The following PCSK6 variants were observed in gnomAD, a reference collection of about 807,000 sequenced individuals.
PCSK6 encodes paired basic amino acid cleaving enzyme 4.
A neutral mutation model predicts 123.3 loss-of-function variants in PCSK6; 85 were observed. The ratio of observed to expected loss-of-function variants is 0.69; its 90% CI spans 0.58 to 0.83. The LOEUF (loss-of-function observed/expected upper bound fraction) is 0.83. Ranked by LOEUF, PCSK6 falls within the 40% of genes least tolerant of loss-of-function variation. PCSK6 has a pLI of 0.00. For missense variants in PCSK6, 1,191 were observed against 1,282.3 expected (o/e 0.93, Z 1.09); for synonymous variants, 508 against 516.0 (o/e 0.98, Z 0.21).
At position 101,363,032 on chromosome 15, in the gene PCSK6, A is replaced by G. The variant is rs572280029; in HGVS notation, c.1858+3164T>C. Among the ~76,000 whole-genome samples, 80 of 152,348 alleles carry G rather than the reference A, an allele frequency of 5.3e-4. 1 individual carries two copies. The highest frequency in any genetic ancestry group is 1.5e-3 in the Admixed American group (23 of 15,302). Reference sequence around the variant, plus strand: ...GGCTGGGAGTGAGCCAGTGATGGCCATGGCAGGCAGCTTGTTCTGCCGGCT... The same window carrying G: ...GGCTGGGAGTGAGCCAGTGATGGCCGTGGCAGGCAGCTTGTTCTGCCGGCT... On this transcript the variant is annotated intron_variant, in intron 13 of 21. Coordinates refer to ENST00000611716, the MANE Select transcript of PCSK6 (RefSeq NM_002570.5).
intron 13 of PCSK6, chr15:101,347,925 A>C: frequency 1.5e-6 from 1 of 654,674 alleles, no homozygotes; most frequent in East Asian, 2.7e-5. Flanking sequence ...CTGCAGCTCC[A>C]CAAAGAAACG....
intron 1 of PCSK6, among the ~76,000 whole-genome samples, chr15:101,448,540 C>T (rs991063212): frequency 1.3e-5 from 2 of 152,216 alleles, no homozygotes; most frequent in African/African-American, 2.4e-5. Context: ...CAACAGCTGA[C>T]GCTTGCTGGG....
chr15:101,412,691 T>TTTATATATATA (rs772007096), intron 6 of PCSK6, among the ~76,000 whole-genome samples: 2 of 124,744 alleles, frequency 1.6e-5, no homozygotes, highest in African/African-American at 6.9e-5. Flanking sequence ...AACTGGAAAA[T>TTTATATATATA]TATATATATA....
At chr15:101,400,743 C>T (rs761397036) in intron 6 of PCSK6, among the ~76,000 whole-genome samples, 13 of 152,214 alleles carry the variant, frequency 8.5e-5, no homozygotes, top group Non-Finnish European at 1.6e-4. Context: ...CTTGTCCTAT[C>T]ATCTTTCACC....
chr15:101,395,857 C>G (rs1461826129), intron 7 of PCSK6, among the ~76,000 whole-genome samples: 2 of 152,176 alleles, frequency 1.3e-5, no homozygotes, highest in Non-Finnish European at 2.9e-5. Flanking sequence ...CTAATGGTCC[C>G]TTCTGAATAA....
At position 101,397,174 on chromosome 15, in the gene PCSK6, G is replaced by A. The variant is rs149941868; in HGVS notation, c.996+1230C>T. On this transcript the variant is annotated intron_variant, in intron 7 of 21. Transcript: ENST00000611716. ...GCTAGGGGTCTCCTGAGAGAAAAACGCTCATTCTGATAAGAGGAAATTAAC... is the reference window on the plus strand; with the variant it reads ...GCTAGGGGTCTCCTGAGAGAAAAACACTCATTCTGATAAGAGGAAATTAAC... 9.3e-3 allele frequency among the ~76,000 whole-genome samples: 1,420 copies of A among 152,192 alleles called. 22 individuals carry two copies. Among genetic ancestry groups the A allele is most frequent in the African/African-American group, 0.033 (1,350 of 41,512 alleles).
intron 1 of PCSK6, among the ~76,000 whole-genome samples, chr15:101,484,711 G>A (rs1399487580): frequency 1.3e-5 from 2 of 152,114 alleles, no homozygotes; most frequent in South Asian, 4.1e-4. Context: ...GTTTCTTAAC[G>A]TTTACATGAA....
At chr15:101,444,494 G>A (rs1367605037) in intron 1 of PCSK6, among the ~76,000 whole-genome samples, 1 of 152,106 alleles carries the variant, frequency 6.6e-6, no homozygotes, top group African/African-American at 2.4e-5. Flanking sequence ...ATCTTCTCAG[G>A]CTAAACCATC....
At chr15:101,428,230 C>T (rs887624527) in intron 5 of PCSK6, among the ~76,000 whole-genome samples, 6 of 152,112 alleles carry the variant, frequency 3.9e-5, no homozygotes, top group African/African-American at 1.2e-4. Context: ...TTCCAGCATG[C>T]CTCCCCTGAC....
chr15:101,474,047 C>T (rs890927669), intron 1 of PCSK6, among the ~76,000 whole-genome samples: 20 of 152,070 alleles, frequency 1.3e-4, no homozygotes, highest in African/African-American at 4.1e-4. Flanking sequence ...GAAACAGAAC[C>T]GTGTATAAGA....
At chr15:101,308,855 G>A (rs773496313) in intron 20 of PCSK6, 13 of 152,298 alleles carry the variant, frequency 8.5e-5, no homozygotes, top group Non-Finnish European at 1.6e-4. Flanking sequence ...AATGCCACTG[G>A]TGAGACGAGA....
intron 21 of PCSK6, among the ~76,000 whole-genome samples, chr15:101,306,158 G>C (rs187740279): frequency 3.3e-5 from 5 of 152,208 alleles, no homozygotes; most frequent in Admixed American, 1.3e-4. Context: ...GGGAGCCGCC[G>C]TGGACAGGAC....
intron 12 of PCSK6, among the ~76,000 whole-genome samples, chr15:101,367,134 C>A (rs2041422236): frequency 6.6e-6 from 1 of 152,162 alleles, no homozygotes; most frequent in African/African-American, 2.4e-5. Flanking sequence ...ACTCGAAGGT[C>A]TTTCCCAACT....
At chr15:101,475,567 C>T (rs2141248006) in intron 1 of PCSK6, among the ~76,000 whole-genome samples, 1 of 152,198 alleles carries the variant, frequency 6.6e-6, no homozygotes, top group South Asian at 2.1e-4. Flanking sequence ...CTCACTGACT[C>T]CTCAACCTCC....
intron 2 of PCSK6, among the ~76,000 whole-genome samples, chr15:101,442,757 C>T (rs144227636): frequency 3.7e-4 from 57 of 152,268 alleles, no homozygotes; most frequent in African/African-American, 1.2e-3. Flanking sequence ...CAATGACCTC[C>T]GTTCCTTGCT....
At chr15:101,454,172 A>C (rs1381959817) in intron 1 of PCSK6, among the ~76,000 whole-genome samples, 1 of 152,262 alleles carries the variant, frequency 6.6e-6, no homozygotes, top group African/African-American at 2.4e-5. Flanking sequence ...TTCACATTTT[A>C]ATACCTAAAA....
chr15:101,357,216 G>A (rs533073973), intron 13 of PCSK6, among the ~76,000 whole-genome samples: 2 of 152,316 alleles, frequency 1.3e-5, no homozygotes, highest in South Asian at 4.1e-4. Flanking sequence ...TCTGGTCTAC[G>A]CGTGTGTGTG....
chr15:101,305,389 A>G lies in PCSK6; in HGVS notation c.2813-34T>C. 2.5e-6 allele frequency: 4 copies of G among 1,572,740 alleles called. No individual in the cohort carries two copies. Among genetic ancestry groups the G allele is most frequent in the Non-Finnish European group, 3.5e-6 (4 of 1,150,658 alleles). ...CCGCATCAGGAAAGGCAAAAGAGGGAAAGGTCAGTCTTCGGTGCCTGTGAA... is the reference window on the plus strand; with the variant it reads ...CCGCATCAGGAAAGGCAAAAGAGGGGAAGGTCAGTCTTCGGTGCCTGTGAA... On this transcript the variant is annotated intron_variant, in intron 21 of 21. Coordinates refer to ENST00000611716, the MANE Select transcript of PCSK6 (RefSeq NM_002570.5). The surrounding 1 kb of genome is among the most constrained non-coding windows in gnomAD (Gnocchi z 4.8).
At chr15:101,425,833 C>A (rs1392694333) in intron 6 of PCSK6, among the ~76,000 whole-genome samples, 5 of 152,126 alleles carry the variant, frequency 3.3e-5, no homozygotes, top group Non-Finnish European at 7.3e-5. Context: ...TTACTGTGCA[C>A]CTCATCTGGG....
Sources: gnomAD v4.1 joint callset for allele counts (sites outside exome capture counted in the v4.1 genomes callset) on GRCh38, gnomAD v4.1.1 for gene constraint, Gnocchi (gnomAD v3.1) non-coding constraint, MANE v1.5 for transcripts, NCBI Gene and HGNC (gene_info 2026-07-23, HGNC 2026-07-21) for gene names.